STPG2: variants seen among roughly 807,000 people sequenced by gnomAD.
STPG2 encodes sperm-tail PG-rich repeat-containing protein 2.
A neutral mutation model predicts 54.2 loss-of-function variants in STPG2; 56 were observed. The observed-to-expected ratio is 1.03, with a 90% confidence interval of 0.83 to 1.29. The LOEUF is 1.29. STPG2 is among the 50% of genes most tolerant of loss of function. The pLI is 0.00. For missense variants in STPG2, 596 were observed against 544.9 expected, an observed-to-expected ratio of 1.09 and a Z score of -0.93; for synonymous variants, 200 against 181.8, an observed-to-expected ratio of 1.10 and a Z score of -0.81.
intron 10 of STPG2, among the ~76,000 whole-genome samples, chr4:97,693,628 G>A (rs1723453522): frequency 6.6e-6 from 1 of 152,002 alleles, no homozygotes; most frequent in Non-Finnish European, 1.5e-5. Flanking sequence ...AGGTCATCAA[G>A]ACAGATGGAC....
At chr4:97,700,338 A>G (rs944488503) in intron 10 of STPG2, among the ~76,000 whole-genome samples, 4 of 152,176 alleles carry the variant, frequency 2.6e-5, no homozygotes, top group Non-Finnish European at 4.4e-5. Context: ...CTTTTGGGTC[A>G]CTCAACAAAT....
chr4:97,789,281 A>G (rs746706688), intron 9 of STPG2, among the ~76,000 whole-genome samples: 16 of 152,082 alleles, frequency 1.1e-4, no homozygotes, highest in Non-Finnish European at 2.1e-4. Context: ...CTCATCAAAA[A>G]CTAAAATACT....
intron 9 of STPG2, among the ~76,000 whole-genome samples, chr4:97,824,353 T>C (rs1020953427): frequency 6.6e-6 from 1 of 152,126 alleles, no homozygotes; most frequent in South Asian, 2.1e-4. Flanking sequence ...TGAATGAACT[T>C]TGAAAATCAT....
At chr4:97,656,436 A>C (rs1437272081) in intron 10 of STPG2, among the ~76,000 whole-genome samples, 1 of 152,070 alleles carries the variant, frequency 6.6e-6, no homozygotes, top group Non-Finnish European at 1.5e-5. Context: ...AAGAGAAAAG[A>C]CATATTAATT....
chr4:97,819,877 G>A (rs1344983923), intron 9 of STPG2, among the ~76,000 whole-genome samples: 1 of 151,992 alleles, frequency 6.6e-6, no homozygotes, highest in Non-Finnish European at 1.5e-5. Context: ...TTTTTAGTAA[G>A]CCTAAGGCTG....
chr4:97,664,383 G>C (rs764810116), intron 10 of STPG2, among the ~76,000 whole-genome samples: 2 of 152,172 alleles, frequency 1.3e-5, no homozygotes, highest in Non-Finnish European at 2.9e-5. Flanking sequence ...ATCAATGACA[G>C]TCTAATATAA....
intron 3 of STPG2, among the ~76,000 whole-genome samples, chr4:98,125,244 A>T (rs1234219504): frequency 6.6e-6 from 1 of 152,198 alleles, no homozygotes; most frequent in Non-Finnish European, 1.5e-5. Flanking sequence ...CATTTGGAGG[A>T]GAAAAGGCAT....
chr4:97,981,448 T>C (rs1014238006), intron 5 of STPG2, 130 bp from the exon 6 acceptor site: 8 of 906,304 alleles, frequency 8.8e-6, no homozygotes, highest in Non-Finnish European at 9.8e-6. Flanking sequence ...GAAGAAAATG[T>C]AGATGAACTA....
At chr4:97,980,604 C>T (rs1428770292) in intron 6 of STPG2, among the ~76,000 whole-genome samples, 1 of 152,128 alleles carries the variant, frequency 6.6e-6, no homozygotes, top group Admixed American at 6.5e-5. Flanking sequence ...CTGAGCCTTG[C>T]CTTCTAGCCA....
intron 10 of STPG2, among the ~76,000 whole-genome samples, chr4:97,667,737 T>C (rs1172155070): frequency 6.6e-6 from 1 of 152,148 alleles, no homozygotes; most frequent in African/African-American, 2.4e-5. Flanking sequence ...CACAAGGACA[T>C]TTCAAGTAAG....
intron 9 of STPG2, among the ~76,000 whole-genome samples, chr4:97,783,575 G>A (rs1395336455): frequency 6.6e-6 from 1 of 152,142 alleles, no homozygotes; most frequent in Non-Finnish European, 1.5e-5. Context: ...CCATTACTGG[G>A]TATATACCCA....
chr4:97,751,504 C>T (rs1725579583), intron 9 of STPG2, among the ~76,000 whole-genome samples: 1 of 151,488 alleles, frequency 6.6e-6, no homozygotes, highest in African/African-American at 2.4e-5. Flanking sequence ...TAGTTACATG[C>T]AATATAAGGG....
intron 5 of STPG2, chr4:98,048,944 G>C (rs1737228358): frequency 6.6e-6 from 1 of 152,614 alleles, no homozygotes; most frequent in Non-Finnish European, 1.5e-5. Flanking sequence ...GGATTGCACA[G>C]CTCATTTATG....
Position 97,840,965 on chromosome 4 carries a change from T to G in STPG2, c.1045-33A>C, listed in dbSNP as rs972405709. On this transcript the variant is annotated intron_variant, in intron 8 of 10. Transcript: ENST00000295268. ...AAAATTTAATAGATGAGCATAAATATATCTTATACTGAAAATATCCAAGAA... is the reference window on the plus strand; with the variant it reads ...AAAATTTAATAGATGAGCATAAATAGATCTTATACTGAAAATATCCAAGAA... The G allele has an allele frequency of 5.6e-6, 9 of 1,595,952 alleles. No homozygotes were observed. The African/African-American group carries it at 1.1e-4, about 19-fold the overall frequency.
chr4:97,622,448 T>TA (rs202109558), intron 10 of STPG2, among the ~76,000 whole-genome samples: 1 of 142,542 alleles, frequency 7.0e-6, no homozygotes, highest in Non-Finnish European at 1.5e-5. Flanking sequence ...AAAATCAGTG[T>TA]AAAAAAACAG....
At chr4:97,624,146 G>A (rs1204817211) in intron 10 of STPG2, among the ~76,000 whole-genome samples, 3 of 152,136 alleles carry the variant, frequency 2.0e-5, no homozygotes, top group African/African-American at 7.2e-5. Flanking sequence ...TCCTTTGGGT[G>A]TATACCCAGT....
intron 4 of STPG2, among the ~76,000 whole-genome samples, chr4:97,546,277 T>C (rs913361101): frequency 1.3e-5 from 2 of 151,932 alleles, no homozygotes; most frequent in Admixed American, 6.6e-5. Context: ...CACTTTAATT[T>C]ACCTACATTT....
chr4:97,950,389 T>G (rs1293251623), intron 7 of STPG2, among the ~76,000 whole-genome samples: 1 of 152,164 alleles, frequency 6.6e-6, no homozygotes, highest in Non-Finnish European at 1.5e-5. Context: ...TAGCCTATTG[T>G]TAAAACCTCT....
At chr4:97,621,863 A>G (rs933491615) in intron 10 of STPG2, among the ~76,000 whole-genome samples, 1 of 152,192 alleles carries the variant, frequency 6.6e-6, no homozygotes, top group Non-Finnish European at 1.5e-5. Flanking sequence ...ATGAACATAC[A>G]TGCAAAAACC....
Sources: allele counts gnomAD v4.1 joint callset (sites outside exome capture counted in the v4.1 genomes callset), GRCh38; gene constraint gnomAD v4.1.1; transcripts MANE v1.5; gene names NCBI Gene and HGNC (gene_info 2026-07-23, HGNC 2026-07-21).